Variants in AFF1 observed in about 807,000 individuals in gnomAD.
The protein encoded by AFF1 is ALF transcription elongation factor 1.
A neutral mutation model predicts 121.7 loss-of-function variants in AFF1; 48 were observed. That is an observed-to-expected ratio of 0.39 (90% CI 0.31 to 0.50). The LOEUF (loss-of-function observed/expected upper bound fraction) is 0.50, where lower values mean the gene tolerates loss of function less well. Ranked by LOEUF, AFF1 falls within the 20% of genes least tolerant of loss-of-function variation. The pLI, the probability that AFF1 is intolerant of heterozygous loss-of-function variation, is 0.76. For synonymous variants in AFF1, 613 were observed against 563.0 expected (o/e 1.09, Z -1.26); for missense variants, 1,523 against 1,511.7 (o/e 1.01, Z -0.12).
chr4:87,036,843 C>T (rs1470213907), intron 2 of AFF1: 1 of 498,392 alleles, frequency 2.0e-6, no homozygotes, highest in South Asian at 1.5e-5. Flanking sequence ...CCCATCCCCC[C>T]TTTTTTTGAG....
At chr4:87,125,335 C>G in intron 13 of AFF1, 192 bp downstream of exon 13, 3 of 392,716 alleles carry the variant, frequency 7.6e-6, no homozygotes, top group Non-Finnish European at 1.4e-5. Flanking sequence ...ATTCATGTGG[C>G]AGCAAATTTA....
intron 6 of AFF1, among the ~76,000 whole-genome samples, chr4:87,090,967 A>T (rs1380991331): frequency 6.8e-6 from 1 of 147,700 alleles, no homozygotes; most frequent in East Asian, 2.0e-4. Flanking sequence ...GTGAGCTGTA[A>T]TTAAGCCACT....
chr4:87,093,839 C>G (rs1163600281), intron 7 of AFF1, among the ~76,000 whole-genome samples: 2 of 152,086 alleles, frequency 1.3e-5, no homozygotes, highest in East Asian at 1.9e-4. Context: ...TTTTCACTTC[C>G]AATTCTGTTT....
chr4:87,017,749 G>A (rs996353721), intron 2 of AFF1, among the ~76,000 whole-genome samples: 1 of 152,138 alleles, frequency 6.6e-6, no homozygotes, highest in Admixed American at 6.5e-5. Context: ...GGAAATTATC[G>A]TTCAGACTTG....
chr4:86,938,666 C>G (rs1462197504), intron 1 of AFF1, among the ~76,000 whole-genome samples: 1 of 152,112 alleles, frequency 6.6e-6, no homozygotes, highest in Non-Finnish European at 1.5e-5. Context: ...ATTACATAAA[C>G]TCTGTAATCC....
chr4:87,030,506 T>C (rs528272200), intron 2 of AFF1, among the ~76,000 whole-genome samples: 6 of 152,304 alleles, frequency 3.9e-5, no homozygotes, highest in African/African-American at 9.6e-5. Context: ...GTTAAAAAAA[T>C]TCTCCCCCCT....
At chr4:86,987,368 A>G (rs1724369778) in intron 2 of AFF1, among the ~76,000 whole-genome samples, 1 of 152,158 alleles carries the variant, frequency 6.6e-6, no homozygotes, top group Non-Finnish European at 1.5e-5. Flanking sequence ...GATTGACCCT[A>G]GGAAGTTGCT....
At chr4:86,949,781 G>A (rs1167723891) in intron 2 of AFF1, 3 of 1,613,546 alleles carry the variant, frequency 1.9e-6, no homozygotes, top group Non-Finnish European at 1.7e-6. Context: ...GCCCACCAGG[G>A]AGAACAGGGC....
At chr4:87,001,774 C>T (rs1327196618) in intron 2 of AFF1, among the ~76,000 whole-genome samples, 3 of 152,132 alleles carry the variant, frequency 2.0e-5, no homozygotes, top group African/African-American at 4.8e-5. Flanking sequence ...ATTAGCAGTC[C>T]TCCTTGCTGT....
intron 2 of AFF1, among the ~76,000 whole-genome samples, chr4:86,985,640 C>T (rs1013110222): frequency 6.6e-6 from 1 of 151,894 alleles, no homozygotes; most frequent in Admixed American, 6.6e-5. Context: ...CACACCATTG[C>T]ACTCCAGCCT....
At chr4:87,062,489 C>T (rs1423846198) in intron 4 of AFF1, among the ~76,000 whole-genome samples, 1 of 152,174 alleles carries the variant, frequency 6.6e-6, no homozygotes, top group East Asian at 1.9e-4. Flanking sequence ...CACATTCAGA[C>T]CACAGCAGGA....
intron 16 of AFF1, among the ~76,000 whole-genome samples, chr4:87,127,940 CT>C (rs1471159088): frequency 6.6e-6 from 1 of 152,164 alleles, no homozygotes; most frequent in Non-Finnish European, 1.5e-5. Flanking sequence ...GTGGTATTTT[CT>C]TTGGCTCCAT....
Position 87,132,374 on chromosome 4 carries a change from A to G in AFF1, c.3277A>G (p.Lys1093Glu), listed in dbSNP as rs1216837038. The G allele has an allele frequency of 1.9e-6, 3 of 1,612,582 alleles. No individual in the cohort carries two copies. Among genetic ancestry groups the G allele is most frequent in the Admixed American group, 3.4e-5 (2 of 59,596 alleles). Reference sequence around the variant, plus strand: ...TAATAAACACTTCGAGAGTTCTTCCAAAGTCGCCCAGGCACCTTCTCCATG... The same window carrying G: ...TAATAAACACTTCGAGAGTTCTTCCGAAGTCGCCCAGGCACCTTCTCCATG... ...TLNKHFESSS[K>E]VAQAPSPCIA... Residue 1093 changes from lysine (K) to glutamate (E), a missense_variant, in exon 19 of 21, where the codon AAA becomes GAA. Lys to Glu is a moderately conservative substitution (Grantham distance 56, BLOSUM62 1). Transcript: ENST00000395146.
At chr4:87,056,301 C>G (rs1720135349) in intron 4 of AFF1, among the ~76,000 whole-genome samples, 1 of 152,080 alleles carries the variant, frequency 6.6e-6, no homozygotes, top group African/African-American at 2.4e-5. Flanking sequence ...TCATATTGGA[C>G]AGGAATGTGG....
chr4:87,123,434 G>C (rs1332531184), intron 12 of AFF1, among the ~76,000 whole-genome samples: 1 of 152,128 alleles, frequency 6.6e-6, no homozygotes, highest in East Asian at 1.9e-4. Context: ...GCCTCCCGAG[G>C]GTACGAGCCT....
chr4:86,991,445 CAAA>C lies in AFF1; in HGVS notation c.38+42887_38+42889del, dbSNP rs57207984. On this transcript the variant is annotated intron_variant, in intron 2 of 20. Coordinates refer to ENST00000395146, the MANE Select transcript of AFF1 (RefSeq NM_001166693.3). The stretch of plus-strand genomic sequence containing the variant: ...GGGCGACAGAGTGAGACTCCATCTC[CAAA>C]AAAAAAAAAAAAGAAATATGCAGCC... Among the ~76,000 whole-genome samples, 331 of 141,324 alleles carry C rather than the reference CAAA, an allele frequency of 2.3e-3. 1 individual carries two copies. The highest frequency in any genetic ancestry group is 9.0e-3 in the East Asian group (42 of 4,662). The allele number at this position is 141,324 out of a possible 152,430, so 92.7% of individuals were successfully genotyped here.
intron 5 of AFF1, among the ~76,000 whole-genome samples, chr4:87,088,322 C>A (rs1021850400): frequency 6.6e-6 from 1 of 152,220 alleles, no homozygotes; most frequent in African/African-American, 2.4e-5. Context: ...GCATCACTTA[C>A]ATTACTCGTC....
At chr4:87,025,179 G>A (rs1389185216) in intron 2 of AFF1, among the ~76,000 whole-genome samples, 1 of 152,142 alleles carries the variant, frequency 6.6e-6, no homozygotes, top group African/African-American at 2.4e-5. Flanking sequence ...TGCAGGAAGG[G>A]GCACCAAAGC....
At chr4:86,951,506 G>C (rs2149454218) in intron 2 of AFF1, among the ~76,000 whole-genome samples, 1 of 151,164 alleles carries the variant, frequency 6.6e-6, no homozygotes, top group South Asian at 2.1e-4. Flanking sequence ...TGACTTTTTA[G>C]TATTTTGATC....
Sources: allele counts gnomAD v4.1 joint callset (sites outside exome capture counted in the v4.1 genomes callset), GRCh38; gene constraint gnomAD v4.1.1; transcripts MANE v1.5; gene names NCBI Gene and HGNC (gene_info 2026-07-23, HGNC 2026-07-21).